Variants in PLEKHG1 observed in about 807,000 individuals in gnomAD.
PLEKHG1 encodes the protein pleckstrin homology domain-containing family G member 1.
In PLEKHG1, 44 loss-of-function variants were observed where a neutral mutation model predicts 100.8. The observed-to-expected ratio is 0.44, with a 90% CI of 0.34 to 0.56. The LOEUF is 0.56. Among genes scored for constraint, PLEKHG1 ranks in the 20% least tolerant of loss-of-function variants. The pLI, the probability that PLEKHG1 is intolerant of heterozygous loss-of-function variation, is 0.01. For synonymous variants in PLEKHG1, 640 were observed against 662.5 expected, an observed-to-expected ratio of 0.97 and a Z score of 0.52; for missense variants, 1,545 against 1,720.9, an observed-to-expected ratio of 0.90 and a Z score of 1.81.
chr6:150,650,875 G>C (rs1314380914), intron 3 of PLEKHG1, 89 bp downstream of exon 2: 2 of 152,048 alleles, frequency 1.3e-5, no homozygotes, highest in East Asian at 3.9e-4. Context: ...TAGTATTTTT[G>C]TATAAGTGTA....
At chr6:150,718,469 C>CTTT (rs3072740), upstream of PLEKHG1, among the ~76,000 whole-genome samples, 24 of 130,684 alleles carry the variant, frequency 1.8e-4, no homozygotes, top group African/African-American at 3.7e-4. Context: ...CTTCCCTTTA[C>CTTT]TTTTTTTTTT....
At chr6:150,842,364 G>A (rs1292489449) in exon 16 of PLEKHG1, 1 of 151,396 alleles carries the variant, frequency 6.6e-6, no homozygotes, top group Non-Finnish European at 1.5e-5. Flanking sequence ...AAGGGGCCTG[G>A]GCTCTTCATT....
intron 15 of PLEKHG1, among the ~76,000 whole-genome samples, chr6:150,832,897 C>T (rs1482150459): frequency 2.0e-5 from 3 of 151,344 alleles, no homozygotes; most frequent in Non-Finnish European, 2.9e-5. Flanking sequence ...AGGCTGGTCT[C>T]GACTCCTGGG....
chr6:150,612,356 A>G (rs1278961897), intron 1 of PLEKHG1, among the ~76,000 whole-genome samples: 1 of 150,538 alleles, frequency 6.6e-6, no homozygotes, highest in Non-Finnish European at 1.5e-5. Context: ...TTTGAGACAG[A>G]GTCTCTCTCT....
intron 2 of PLEKHG1, among the ~76,000 whole-genome samples, chr6:150,763,975 T>C (rs1401514615): frequency 1.3e-5 from 2 of 152,162 alleles, no homozygotes; most frequent in Non-Finnish European, 2.9e-5. Context: ...CCATGCTTTC[T>C]ATTATTCTCC....
At chr6:150,772,818 T>G (rs1048934044) in intron 3 of PLEKHG1, among the ~76,000 whole-genome samples, 5 of 152,232 alleles carry the variant, frequency 3.3e-5, no homozygotes, top group African/African-American at 1.2e-4. Context: ...ATTGGCCATT[T>G]TGATTTCCTC....
intron 2 of PLEKHG1, among the ~76,000 whole-genome samples, chr6:150,756,867 A>G (rs142061716): frequency 2.0e-5 from 3 of 152,308 alleles, no homozygotes; most frequent in East Asian, 3.9e-4. Context: ...GAGATAATCT[A>G]TACTACTGTT....
chr6:150,624,330 C>G (rs1373036781), intron 1 of PLEKHG1, among the ~76,000 whole-genome samples: 1 of 152,142 alleles, frequency 6.6e-6, no homozygotes, highest in African/African-American at 2.4e-5. Flanking sequence ...TCCTCCCCTC[C>G]CCAACAAGGG....
chr6:150,809,984 G>C (rs1225060133), intron 10 of PLEKHG1, among the ~76,000 whole-genome samples: 1 of 151,810 alleles, frequency 6.6e-6, no homozygotes, highest in African/African-American at 2.4e-5. Flanking sequence ...AAGGCATCCT[G>C]ATAGGATAAA....
chr6:150,729,297 A>G (rs1782122356), intron 1 of PLEKHG1, among the ~76,000 whole-genome samples: 1 of 152,170 alleles, frequency 6.6e-6, no homozygotes, highest in African/African-American at 2.4e-5. Flanking sequence ...CCTGAGCTCA[A>G]GTGATCCGCC....
chr6:150,831,513 AG>A lies in PLEKHG1; in HGVS notation c.2404del (p.Ala802ProfsTer8). 1 of 1,614,050 alleles carries A rather than the reference AG, an allele frequency of 6.2e-7. No homozygotes were observed. The highest frequency in any genetic ancestry group is 8.5e-7 in the Non-Finnish European group (1 of 1,179,960). On this transcript the variant is annotated frameshift_variant, in exon 15 of 16. Coordinates refer to ENST00000358517, the Ensembl canonical transcript of PLEKHG1. LOFTEE classifies it high-confidence loss of function. The surrounding 1 kb of genome is among the most constrained non-coding windows in gnomAD (Gnocchi z 4.1). ...AGTGAGGACGAAGCCCCTTACCATCAGGCCACTCCCGATCATGGTTATCTGA... is the reference window on the plus strand; with the variant it reads ...AGTGAGGACGAAGCCCCTTACCATCAGCCACTCCCGATCATGGTTATCTGA...
chr6:150,806,894 A>G (rs1419137051), intron 7 of PLEKHG1, among the ~76,000 whole-genome samples: 2 of 152,002 alleles, frequency 1.3e-5, no homozygotes, highest in Admixed American at 6.6e-5. Flanking sequence ...TAAATTTTAA[A>G]TTGTGCACCA....
intron 3 of PLEKHG1, among the ~76,000 whole-genome samples, chr6:150,652,513 G>C (rs1463047761): frequency 6.6e-6 from 1 of 152,010 alleles, no homozygotes; most frequent in Admixed American, 6.5e-5. Context: ...ACGAGGTCAG[G>C]AGTTTGAGAC....
intron 4 of PLEKHG1, among the ~76,000 whole-genome samples, chr6:150,793,478 T>C (rs937691462): frequency 3.3e-5 from 5 of 152,214 alleles, no homozygotes; most frequent in Non-Finnish European, 7.4e-5. Context: ...CAAGAGTTCA[T>C]AGAAGGAGGT....
chr6:150,717,796 C>T (rs150622501), upstream of PLEKHG1, among the ~76,000 whole-genome samples: 62 of 152,314 alleles, frequency 4.1e-4, no homozygotes, highest in African/African-American at 1.4e-3. Flanking sequence ...ACATTTTGGG[C>T]TAGGCACAGT....
At chr6:150,713,933 A>G (rs1049666299) in intron 3 of PLEKHG1, among the ~76,000 whole-genome samples, 1 of 152,202 alleles carries the variant, frequency 6.6e-6, no homozygotes, top group Non-Finnish European at 1.5e-5. Flanking sequence ...AATGGCTGTT[A>G]CTCTGAAACT....
chr6:150,716,326 G>C (rs918033627), upstream of PLEKHG1, among the ~76,000 whole-genome samples: 1 of 152,058 alleles, frequency 6.6e-6, no homozygotes, highest in Non-Finnish European at 1.5e-5. Flanking sequence ...AAATTGTTAC[G>C]CTCCTTGTGT....
Position 150,831,500 on chromosome 6 carries a change from G to A in PLEKHG1, c.2389G>A (p.Ala797Thr). Residue 797 changes from alanine (A) to threonine (T), a missense_variant, in exon 15 of 16, where the codon GCC becomes ACC. Transcript: ENST00000358517. This position sits in a 1 kb window ranked among gnomAD's most constrained non-coding sequence, Gnocchi z 4.1. ...CAGCCTCCAGCTCAGTGAGGACGAAGCCCCTTACCATCAGGCCACTCCCGA... is the reference window on the plus strand; with the variant it reads ...CAGCCTCCAGCTCAGTGAGGACGAAACCCCTTACCATCAGGCCACTCCCGA... 1 of 1,614,100 alleles carries A rather than the reference G, an allele frequency of 6.2e-7. No homozygotes were observed. The highest frequency in any genetic ancestry group is 8.5e-7 in the Non-Finnish European group (1 of 1,179,984).
At chr6:150,633,267 G>A (rs901089999) in intron 1 of PLEKHG1, 12 of 152,694 alleles carry the variant, frequency 7.9e-5, no homozygotes, top group African/African-American at 2.9e-4. Context: ...AGTCATGAAT[G>A]CTGGAAGTGG....
Sources: allele counts gnomAD v4.1 joint callset (sites outside exome capture counted in the v4.1 genomes callset), GRCh38; gene constraint gnomAD v4.1.1; non-coding constraint Gnocchi (gnomAD v3.1); transcripts MANE v1.5; gene names NCBI Gene and HGNC (gene_info 2026-07-23, HGNC 2026-07-21).